The following UBAP2L variants were observed in gnomAD, a reference collection of about 807,000 sequenced individuals.
UBAP2L encodes ubiquitin-associated protein 2-like.
Under a neutral mutation model 130.6 loss-of-function variants are expected in UBAP2L, and 12 were observed. The ratio of observed to expected loss-of-function variants is 0.09; its 90% CI spans 0.06 to 0.15. The LOEUF is 0.15. Ranked by LOEUF, UBAP2L falls within the 10% of genes least tolerant of loss-of-function variation. The probability of loss-of-function intolerance (pLI) is 1.00; values close to 1 mark genes in which losing one functional copy is unlikely to be tolerated. For missense variants in UBAP2L, 965 were observed against 1,332.5 expected (o/e 0.72, Z 4.29); for synonymous variants, 503 against 524.7 (o/e 0.96, Z 0.57).
In UBAP2L at chr1:154,254,816, GTTTT is replaced by G; in HGVS notation, c.1855-9_1855-6del. ...GAGTTTGTCTGTTTCTTGCTCTTCT[GTTTT>G]TTTTTTTTTTACCAGAATGGCTTCA... On this transcript the variant is annotated splice_polypyrimidine_tract_variant and intron_variant, in intron 15 of 26. Transcript: ENST00000428931. 2.0e-6 allele frequency: 3 copies of G among 1,491,440 alleles called. No individual in the cohort carries two copies. Among genetic ancestry groups the G allele is most frequent in the Non-Finnish European group, 9.0e-7 (1 of 1,107,616 alleles). 92.4% of individuals were successfully genotyped at this position (1,491,440 alleles called of 1,614,324 possible).
intron 17 of UBAP2L, 135 bp downstream of exon 17, chr1:154,255,461 G>T: frequency 7.9e-7 from 1 of 1,270,812 alleles, no homozygotes; most frequent in Admixed American, 2.3e-5. Flanking sequence ...TAAGAACTGT[G>T]GGAAGTGAAG....
At position 154,251,573 on chromosome 1, in the gene UBAP2L, C is replaced by T; in HGVS notation, c.1584C>T (p.Val528=). Residue 528 remains valine (V), a synonymous_variant, in exon 14 of 27, where the codon GTC becomes GTT. Coordinates refer to ENST00000428931, the MANE Select transcript of UBAP2L (RefSeq NM_014847.4). ...CATTGCAGTTTGGGTCAGAGCCTGT[C>T]CTTTCTGATTATGAGTCCACCCCCA... ...FGALQFGSEP[V]LSDYESTPTT... is the part of the protein sequence containing the mutation. 6.2e-7 allele frequency: 1 copy of T among 1,614,114 alleles called. No homozygotes were observed. The highest frequency in any genetic ancestry group is 8.5e-7 in the Non-Finnish European group (1 of 1,180,030).
At chr1:154,257,314 G>C (rs1679984506) in intron 19 of UBAP2L, 32 bp from the exon 20 acceptor site, 1 of 1,614,178 alleles carries the variant, frequency 6.2e-7, no homozygotes, top group Non-Finnish European at 8.5e-7. Context: ...AAGTAATTGT[G>C]TGATGGGATA....
chr1:154,257,022 CTCTTT>C (rs1425927907), intron 18 of UBAP2L, 36 bp from the exon 19 acceptor site: 3 of 1,588,590 alleles, frequency 1.9e-6, no homozygotes, highest in Non-Finnish European at 2.6e-6. Context: ...TGATGCTGAT[CTCTTT>C]TCTTCTTCTC....
At chr1:154,222,151 CT>C (rs1014683330) in intron 1 of UBAP2L, among the ~76,000 whole-genome samples, 1 of 151,132 alleles carries the variant, frequency 6.6e-6, no homozygotes, top group Admixed American at 6.6e-5. Flanking sequence ...TGGAGAAATC[CT>C]TTTTTTTTGT....
In UBAP2L at chr1:154,225,233, C is replaced by T. The variant is rs780345122; in HGVS notation, c.90+20C>T. 181 of 1,611,348 alleles carry T rather than the reference C, an allele frequency of 1.1e-4. No homozygotes were observed. In the South Asian group the frequency reaches 1.2e-3, roughly 11 times the overall value. On this transcript the variant is annotated intron_variant, in intron 2 of 26. Transcript: ENST00000428931. ...CCACAGGTAAATAATCCAAGGCATA[C>T]GGATTCATGGATAGCGTTGCCTGCT...
At chr1:154,248,998 A>G (rs1461622382) in intron 11 of UBAP2L, among the ~76,000 whole-genome samples, 3 of 152,098 alleles carry the variant, frequency 2.0e-5, no homozygotes, top group Non-Finnish European at 4.4e-5. Flanking sequence ...TTTTATTCCT[A>G]TTTCCAGATG....
At chr1:154,257,608 A>T in intron 20 of UBAP2L, 174 bp downstream of exon 20, 1 of 664,622 alleles carries the variant, frequency 1.5e-6, no homozygotes, top group Non-Finnish European at 2.5e-6. Flanking sequence ...ATGTGGCCGT[A>T]TTTTTGATCT....
In UBAP2L at chr1:154,251,625, C is replaced by G. The variant is rs1677626398; in HGVS notation, c.1636C>G (p.Pro546Ala). 6.2e-7 allele frequency: 1 copy of G among 1,614,016 alleles called. No homozygotes were observed. Among genetic ancestry groups the G allele is most frequent in the Non-Finnish European group, 8.5e-7 (1 of 1,180,010 alleles). The stretch of plus-strand genomic sequence containing the variant: ...CACGAGCGCCTCTTCAAGCCAGGCT[C>G]CAAGTAGCCTGTATACCAGCACGGC... ...PTTSASSSQA[P>A]SSLYTSTASE... The change falls in exon 14 of 27, where the codon CCA becomes GCA. Residue 546 changes from proline (P) to alanine (A), a missense_variant. By Grantham distance (27) the Pro-to-Ala change is conservative. Coordinates refer to ENST00000428931, the MANE Select transcript of UBAP2L (RefSeq NM_014847.4).
chr1:154,237,172 G>A (rs1671952725), intron 8 of UBAP2L, 36 bp downstream of exon 8: 2 of 1,553,494 alleles, frequency 1.3e-6, no homozygotes, highest in African/African-American at 1.4e-5. Context: ...CTTGTCTCTG[G>A]GAATCTAAGG....
rs1020870925 is a variant in UBAP2L at position 154,255,723 on chromosome 1, T to A, written c.2125T>A (p.Ser709Thr). 1.9e-6 allele frequency: 3 copies of A among 1,614,178 alleles called. No individual in the cohort carries two copies. In the East Asian group the frequency reaches 6.7e-5, roughly 36 times the overall value. ...GCAGAATACCCTTTCATCATCAACA[T>A]CTTCTGGGCGCACTTCGACATCCAC... is the stretch of plus-strand genomic sequence containing the variant. The part of the protein sequence containing the change: ...TQQNTLSSST[S>T]SGRTSTSTLL... Residue 709 changes from serine to threonine, a missense_variant, in exon 18 of 27, where the codon TCT becomes ACT. Coordinates refer to ENST00000428931, the MANE Select transcript of UBAP2L (RefSeq NM_014847.4).
chr1:154,228,054 CA>C (rs1431266448), intron 3 of UBAP2L, among the ~76,000 whole-genome samples: 1 of 151,830 alleles, frequency 6.6e-6, no homozygotes, highest in Admixed American at 6.6e-5. Context: ...ATCCCTGAAC[CA>C]CAGATGTTAA....
chr1:154,232,103 C>T (rs1212154646), intron 4 of UBAP2L, among the ~76,000 whole-genome samples: 1 of 151,890 alleles, frequency 6.6e-6, no homozygotes, highest in Non-Finnish European at 1.5e-5. Flanking sequence ...CCATGGCGGG[C>T]GGATCACGAG....
rs759220089 is a variant in UBAP2L, at chr1:154,257,157, G to A, written c.2252G>A (p.Ser751Asn). The A allele has an allele frequency of 4.3e-6, 7 of 1,614,182 alleles. No individual in the cohort carries two copies. In the Admixed American group the frequency reaches 1.2e-4, roughly 27 times the overall value. ...STVSAPPPVV[S>N]VSSSLNSGSS... ...GTCTCTGCACCTCCCCCAGTGGTCA[G>A]TGTCTCCTCCAGTCTCAATAGTGGC... Residue 751 changes from serine (S) to asparagine (N), a missense_variant, in exon 19 of 27, where the codon AGT becomes AAT. By Grantham distance (46) the Ser-to-Asn change is conservative. Around this residue, in one of 9 missense-constraint regions of UBAP2L, gnomAD observed 393 missense variants for 408.1 expected, o/e 0.96. Coordinates refer to ENST00000428931, the MANE Select transcript of UBAP2L (RefSeq NM_014847.4).
At chr1:154,256,270 C>T (rs1312479198) in intron 18 of UBAP2L, among the ~76,000 whole-genome samples, 2 of 152,122 alleles carry the variant, frequency 1.3e-5, no homozygotes, top group Non-Finnish European at 2.9e-5. Flanking sequence ...TCAGATTTGC[C>T]GGAAGCCTGG....
At position 154,270,217 on chromosome 1, in the gene UBAP2L, T is replaced by C; in HGVS notation, c.3186T>C (p.Arg1062=). The C allele has an allele frequency of 6.2e-7, 1 of 1,607,296 alleles. No homozygotes were observed. The highest frequency in any genetic ancestry group is 1.1e-5 in the South Asian group (1 of 90,146). ...CCCTGCAGACGGGCAGCGGGCAACG[T>C]AGCCAGACCAGCTCCATCCCGCAGA... The part of the protein sequence containing the change: ...QQDGQTGSGQ[R]SQTSSIPQKP... The change falls in exon 27 of 27, where the codon CGT becomes CGC. Residue 1062 remains arginine (R), a synonymous_variant. Coordinates refer to ENST00000428931, the MANE Select transcript of UBAP2L (RefSeq NM_014847.4).
chr1:154,246,961 C>G (rs1043855044), intron 11 of UBAP2L, among the ~76,000 whole-genome samples: 1 of 152,180 alleles, frequency 6.6e-6, no homozygotes, highest in Non-Finnish European at 1.5e-5. Flanking sequence ...GAACTTATGA[C>G]ATATTACTTG....
At chr1:154,257,507 G>C in intron 20 of UBAP2L, 73 bp downstream of exon 20, 4 of 1,544,820 alleles carry the variant, frequency 2.6e-6, no homozygotes, top group South Asian at 2.3e-5. Flanking sequence ...TCTGGCTTCA[G>C]ATGGACCCCT....
At chr1:154,253,226 T>TC (rs781485345) in intron 14 of UBAP2L, among the ~76,000 whole-genome samples, 24 of 151,798 alleles carry the variant, frequency 1.6e-4, no homozygotes, top group Non-Finnish European at 3.4e-4. Flanking sequence ...CTGGTCTCGA[T>TC]CTCCTGACCT....
Sources: allele counts gnomAD v4.1 joint callset (sites outside exome capture counted in the v4.1 genomes callset), GRCh38; gene constraint gnomAD v4.1.1; regional missense constraint gnomAD v4.1.1; transcripts MANE v1.5; gene names NCBI Gene and HGNC (gene_info 2026-07-23, HGNC 2026-07-21).